UBE3B: variants seen among roughly 807,000 people sequenced by gnomAD.
UBE3B encodes ubiquitin-protein ligase E3B.
A neutral mutation model predicts 132.3 loss-of-function variants in UBE3B; 80 were observed. The observed-to-expected ratio is 0.60, with a 90% CI of 0.50 to 0.73. The LOEUF (loss-of-function observed/expected upper bound fraction) is 0.73. Ranked by LOEUF, UBE3B falls within the 30% of genes least tolerant of loss-of-function variation. The pLI, the probability that UBE3B is intolerant of heterozygous loss-of-function variation, is 0.00. For synonymous variants in UBE3B, 487 were observed against 520.4 expected, an observed-to-expected ratio of 0.94 and a Z score of 0.87; for missense variants, 1,196 against 1,362.5, an observed-to-expected ratio of 0.88 and a Z score of 1.92.
rs1883328901 is a variant in UBE3B at position 109,535,253 on chromosome 12, G to T, written c.*471G>T. 1.3e-5 allele frequency: 2 copies of T among 152,628 alleles called. No individual in the cohort carries two copies. The highest frequency in any genetic ancestry group is 2.9e-5 in the Non-Finnish European group (2 of 68,364). The allele number at this position is 152,628 out of a possible 1,614,324, so 9.5% of individuals were successfully genotyped here. On this transcript the variant is annotated 3_prime_UTR_variant, in exon 28 of 28. Coordinates refer to ENST00000342494, the MANE Select transcript of UBE3B (RefSeq NM_130466.4). ...TCTTACTCAGGTAAGGCCTCGCCAA[G>T]CCTCTATGCACCCCACAAAGTTTCT... is the stretch of plus-strand genomic sequence containing the variant.
intron 6 of UBE3B, among the ~76,000 whole-genome samples, chr12:109,487,723 A>C (rs1876758491): frequency 6.6e-6 from 1 of 152,228 alleles, no homozygotes; most frequent in South Asian, 2.1e-4. Flanking sequence ...GTTTATGCAA[A>C]GAAACAGACG....
intron 8 of UBE3B, chr12:109,490,721 A>G: frequency 7.0e-7 from 1 of 1,426,278 alleles, no homozygotes; most frequent in Non-Finnish European, 9.1e-7. Flanking sequence ...TTCTAACCAT[A>G]ATATTTAGAG....
the UBE3B span, among the ~76,000 whole-genome samples, chr12:109,546,105 C>T: frequency 6.6e-6 from 1 of 152,162 alleles, no homozygotes; most frequent in Admixed American, 6.5e-5. Flanking sequence ...AAACATGGCT[C>T]CTTGGCTGCA....
chr12:109,523,685 C>G (rs1881972664), intron 21 of UBE3B, among the ~76,000 whole-genome samples: 1 of 152,170 alleles, frequency 6.6e-6, no homozygotes, highest in Admixed American at 6.5e-5. Flanking sequence ...TGCTGCCCCC[C>G]ACTGACAGGT....
chr12:109,484,859 C>T (rs951679078), intron 4 of UBE3B, among the ~76,000 whole-genome samples: 1 of 152,108 alleles, frequency 6.6e-6, no homozygotes, highest in South Asian at 2.1e-4. Context: ...AAGTCTCAAA[C>T]GATTCTTCTG....
chr12:109,484,815 G>A (rs964930902), intron 4 of UBE3B, among the ~76,000 whole-genome samples: 7 of 151,982 alleles, frequency 4.6e-5, no homozygotes, highest in Non-Finnish European at 1.0e-4. Flanking sequence ...GAGTGCAGTA[G>A]CACTATCACA....
Position 109,517,830 on chromosome 12 carries a change from G to A in UBE3B, c.2076+946G>A, listed in dbSNP as rs565509574. On this transcript the variant is annotated intron_variant, in intron 19 of 27. Transcript: ENST00000342494. The stretch of plus-strand genomic sequence containing the variant: ...CAGATAGCCACCCCCACCAGCAGAT[G>A]GCTTCTGGCAGCAGCTGTTCCTCCT... 5.7e-4 allele frequency: 195 copies of A among 339,424 alleles called. 6 individuals are homozygous for A. Among genetic ancestry groups the A allele is most frequent in the South Asian group, 4.1e-3 (183 of 44,888 alleles). The allele number at this position is 339,424 out of a possible 1,614,324, so 21.0% of individuals were successfully genotyped here.
chr12:109,533,387 C>T (rs968980160), intron 26 of UBE3B, 79 bp from the exon 27 acceptor site: 14 of 1,300,690 alleles, frequency 1.1e-5, no homozygotes, highest in East Asian at 2.3e-5. Context: ...AGAGCAAACA[C>T]GTGCTACACA....
chr12:109,542,160 G>C, the UBE3B span, among the ~76,000 whole-genome samples: 1 of 152,174 alleles, frequency 6.6e-6, no homozygotes, highest in Non-Finnish European at 1.5e-5. Flanking sequence ...GGGTGAAAAG[G>C]AGAATTGCTT....
chr12:109,525,389 T>G (rs897769274), intron 23 of UBE3B, among the ~76,000 whole-genome samples: 5 of 152,214 alleles, frequency 3.3e-5, no homozygotes, highest in Non-Finnish European at 1.5e-5. Flanking sequence ...AGGATCGTTC[T>G]CTACAGAATA....
Position 109,499,658 on chromosome 12 carries a change from C to T in UBE3B, c.966C>T (p.Leu322=). Residue 322 remains leucine (L), a synonymous_variant, in exon 12 of 28, where the codon CTC becomes CTT. Transcript: ENST00000342494. The part of the protein sequence containing the change: ...LMGNLLHLGS[L]SPRVLEEETD... ...GCAACCTCCTACACTTGGGCTCCCT[C>T]AGCCCCAGAGTGTTAGAGGAGGAGA... 6.2e-7 allele frequency: 1 copy of T among 1,603,654 alleles called. No individual in the cohort carries two copies. The highest frequency in any genetic ancestry group is 8.5e-7 in the Non-Finnish European group (1 of 1,174,510).
chr12:109,515,816 G>T (rs1418341318), intron 18 of UBE3B, among the ~76,000 whole-genome samples: 1 of 152,160 alleles, frequency 6.6e-6, no homozygotes, highest in Admixed American at 6.5e-5. Context: ...CCCAGGATGG[G>T]GCAAAGAGTC....
At chr12:109,495,730 G>A (rs537724977) in intron 9 of UBE3B, among the ~76,000 whole-genome samples, 8 of 152,214 alleles carry the variant, frequency 5.3e-5, no homozygotes, top group Non-Finnish European at 1.2e-4. Flanking sequence ...CGAAATAAAG[G>A]GATGGGCTCT....
rs1880118052 is a variant in UBE3B, at chr12:109,509,686, G to A, written c.1713G>A (p.Val571=). The change falls in exon 16 of 28, where the codon GTG becomes GTA. Residue 571 remains valine (V), a synonymous_variant. Transcript: ENST00000342494. ...VTISSFLNSF[V]FKMIWDGIVE... is the part of the protein sequence containing the mutation. ...TCTCCTCTTTCCTGAATTCTTTTGT[G>A]TTTAAGATGATCTGGGATGGAATTG... is the stretch of plus-strand genomic sequence containing the variant. 4.4e-6 allele frequency: 7 copies of A among 1,608,784 alleles called. No individual in the cohort carries two copies. In the Admixed American group the frequency reaches 1.0e-4, roughly 24 times the overall value.
rs977621620 is a variant in UBE3B at position 109,522,868 on chromosome 12, A to G, written c.2365-1110A>G. On this transcript the variant is annotated intron_variant, in intron 21 of 27. Transcript: ENST00000342494. This position sits in a 1 kb window ranked among gnomAD's most constrained non-coding sequence, Gnocchi z 4.2. ...CATAATAGAAACAATTTCTCAGTTG[A>G]TTTCCATTGAAAAAGTTAAAAATCC... Among the ~76,000 whole-genome samples, 9 of 152,226 alleles carry G rather than the reference A, an allele frequency of 5.9e-5. No individual in the cohort carries two copies. Among genetic ancestry groups the G allele is most frequent in the African/African-American group, 2.2e-4 (9 of 41,542 alleles).
chr12:109,512,177 C>T (rs756750354), intron 18 of UBE3B, among the ~76,000 whole-genome samples: 1 of 152,136 alleles, frequency 6.6e-6, no homozygotes, highest in Non-Finnish European at 1.5e-5. Context: ...CCCAAATCTC[C>T]TGACTGCCCC....
At chr12:109,497,690 A>T in intron 9 of UBE3B, 128 bp from the exon 10 acceptor site, 1 of 892,752 alleles carries the variant, frequency 1.1e-6, no homozygotes, top group Non-Finnish European at 1.8e-6. Flanking sequence ...CCCCAATTTC[A>T]GCCTTCAGTT....
chr12:109,514,075 T>C (rs1880696623), intron 18 of UBE3B, among the ~76,000 whole-genome samples: 1 of 152,224 alleles, frequency 6.6e-6, no homozygotes, highest in Non-Finnish European at 1.5e-5. Flanking sequence ...CCTTAACATT[T>C]GTTAAAGCCT....
At chr12:109,541,410 A>G (rs1883608593), downstream of UBE3B, among the ~76,000 whole-genome samples, 2 of 152,016 alleles carry the variant, frequency 1.3e-5, no homozygotes, top group African/African-American at 4.8e-5. Context: ...TCGGAGATTC[A>G]TTTTCCCCAG....
Sources: allele counts gnomAD v4.1 joint callset (sites outside exome capture counted in the v4.1 genomes callset), GRCh38; gene constraint gnomAD v4.1.1; non-coding constraint Gnocchi (gnomAD v3.1); transcripts MANE v1.5; gene names NCBI Gene and HGNC (gene_info 2026-07-23, HGNC 2026-07-21).